Variants in CACNA1E observed in about 807,000 individuals in gnomAD.
The protein encoded by CACNA1E is calcium voltage-gated channel subunit alpha1 E, also known as voltage-dependent R-type calcium channel subunit alpha-1E.
In CACNA1E, 40 loss-of-function variants were observed where a neutral mutation model predicts 259.2. The ratio of observed to expected loss-of-function variants is 0.15; its 90% CI spans 0.12 to 0.20. The LOEUF (loss-of-function observed/expected upper bound fraction) is 0.20, where lower values mean the gene tolerates loss of function less well. CACNA1E is among the 10% of genes least tolerant of loss of function. CACNA1E has a pLI of 1.00. For missense variants in CACNA1E, 1,874 were observed against 3,040.1 expected, an observed-to-expected ratio of 0.62 and a Z score of 9.02; for synonymous variants, 1,104 against 1,138.5, an observed-to-expected ratio of 0.97 and a Z score of 0.61.
chr1:181,734,589 C>T (rs1242688679), intron 21 of CACNA1E, among the ~76,000 whole-genome samples: 4 of 143,652 alleles, frequency 2.8e-5, no homozygotes, highest in Admixed American at 6.9e-5. Context: ...ATGAATTCTA[C>T]ACCCTATCCT....
At chr1:181,614,772 G>A (rs1475855700) in intron 6 of CACNA1E, among the ~76,000 whole-genome samples, 1 of 152,270 alleles carries the variant, frequency 6.6e-6, no homozygotes, top group African/African-American at 2.4e-5. Flanking sequence ...TTTTATGGTA[G>A]TAAATGATAT....
At chr1:181,547,791 G>C (rs1647660931) in intron 3 of CACNA1E, among the ~76,000 whole-genome samples, 1 of 152,208 alleles carries the variant, frequency 6.6e-6, no homozygotes, top group Non-Finnish European at 1.5e-5. Context: ...CTTATTGTCA[G>C]TTCCACACAT....
chr1:181,670,225 A>G (rs556359677), intron 7 of CACNA1E, among the ~76,000 whole-genome samples: 2 of 152,316 alleles, frequency 1.3e-5, no homozygotes, highest in East Asian at 3.9e-4. Flanking sequence ...AGACACGTAT[A>G]CACTGAGGTG....
At chr1:181,332,997 C>T (rs894685642) in intron 1 of CACNA1E, among the ~76,000 whole-genome samples, 6 of 152,146 alleles carry the variant, frequency 3.9e-5, no homozygotes, top group Non-Finnish European at 7.4e-5. Context: ...CTAGGGCTTG[C>T]CCTCATGGAA....
chr1:181,711,775 G>A (rs532590318), intron 8 of CACNA1E, among the ~76,000 whole-genome samples: 3 of 152,246 alleles, frequency 2.0e-5, no homozygotes, highest in Admixed American at 1.3e-4. Context: ...CCAAGGAGCA[G>A]AAGGGGGAAG....
At chr1:181,612,412 GT>G (rs1654832041) in intron 6 of CACNA1E, among the ~76,000 whole-genome samples, 1 of 152,202 alleles carries the variant, frequency 6.6e-6, no homozygotes, top group Admixed American at 6.5e-5. Flanking sequence ...TCTTTGCAAG[GT>G]TTTATTTTTC....
intron 7 of CACNA1E, among the ~76,000 whole-genome samples, chr1:181,708,375 G>A (rs1653000987): frequency 6.6e-6 from 1 of 152,118 alleles, no homozygotes; most frequent in African/African-American, 2.4e-5. Context: ...TGTGTCCTTG[G>A]ACACTTGCCC....
chr1:181,443,807 T>A (rs1660645124), intron 2 of CACNA1E, among the ~76,000 whole-genome samples: 1 of 152,222 alleles, frequency 6.6e-6, no homozygotes, highest in Admixed American at 6.5e-5. Flanking sequence ...TGCAGCACAA[T>A]AAATTTGATT....
At chr1:181,417,683 A>G (rs1252599606) in intron 2 of CACNA1E, among the ~76,000 whole-genome samples, 1 of 152,084 alleles carries the variant, frequency 6.6e-6, no homozygotes, top group East Asian at 1.9e-4. Context: ...ACACTCCTCT[A>G]GAGATTATTT....
intron 1 of CACNA1E, among the ~76,000 whole-genome samples, chr1:181,330,212 T>C (rs985089570): frequency 3.3e-5 from 5 of 152,110 alleles, no homozygotes; most frequent in African/African-American, 9.7e-5. Context: ...CTGAGGCCCC[T>C]TCCTGAGCTC....
At chr1:181,569,781 T>C (rs1459522561) in intron 3 of CACNA1E, among the ~76,000 whole-genome samples, 1 of 152,226 alleles carries the variant, frequency 6.6e-6, no homozygotes, top group Non-Finnish European at 1.5e-5. Context: ...TCTAGAGCAT[T>C]ACTGTTGCAT....
chr1:181,526,676 C>T (rs1389432754), intron 3 of CACNA1E, among the ~76,000 whole-genome samples: 2 of 152,098 alleles, frequency 1.3e-5, no homozygotes, highest in Admixed American at 1.3e-4. Flanking sequence ...ACAGGACAGC[C>T]TGGCAAGATG....
chr1:181,721,998 T>C, intron 16 of CACNA1E, 123 bp downstream of exon 16: 1 of 667,228 alleles, frequency 1.5e-6, no homozygotes, highest in Non-Finnish European at 2.7e-6. Flanking sequence ...CATTGTTTGG[T>C]GTACTAAAGT....
intron 1 of CACNA1E, among the ~76,000 whole-genome samples, chr1:181,334,394 G>T (rs1651529304): frequency 6.6e-6 from 1 of 152,184 alleles, no homozygotes; most frequent in African/African-American, 2.4e-5. Flanking sequence ...TAAACATATA[G>T]CTGGCCTTCT....
chr1:181,361,087 C>A (rs1354236114), intron 1 of CACNA1E, among the ~76,000 whole-genome samples: 1 of 152,174 alleles, frequency 6.6e-6, no homozygotes, highest in Non-Finnish European at 1.5e-5. Context: ...GTCACCCTCA[C>A]CACTCACCAC....
At position 181,785,831 on chromosome 1, in the gene CACNA1E, C is replaced by G. The variant is rs1660805370; in HGVS notation, c.5786+12C>G. ...CCCGTTTCAGGCCTGTGAGTAGCAC[C>G]AAAACATCCCTGGCATGGCTGTTTG... is the stretch of plus-strand genomic sequence containing the variant. On this transcript the variant is annotated intron_variant, in intron 43 of 47. Coordinates refer to ENST00000367573, the MANE Select transcript of CACNA1E (RefSeq NM_001205293.3). The G allele has an allele frequency of 6.5e-7, 1 of 1,537,488 alleles. No homozygotes were observed. Among genetic ancestry groups the G allele is most frequent in the Non-Finnish European group, 8.9e-7 (1 of 1,121,722 alleles).
intron 1 of CACNA1E, among the ~76,000 whole-genome samples, chr1:181,322,248 C>T (rs1035283059): frequency 2.0e-5 from 3 of 152,066 alleles, no homozygotes; most frequent in Non-Finnish European, 2.9e-5. Context: ...AGTATACTAA[C>T]AACCATCTAC....
At chr1:181,635,362 A>G (rs975579949) in intron 6 of CACNA1E, among the ~76,000 whole-genome samples, 1 of 152,066 alleles carries the variant, frequency 6.6e-6, no homozygotes, top group Non-Finnish European at 1.5e-5. Context: ...TTGCAAGGTG[A>G]ATCAATCTCC....
chr1:181,454,912 A>G lies in CACNA1E; in HGVS notation c.435-28832A>G, dbSNP rs531809340. Among the ~76,000 whole-genome samples, 111 of 152,378 alleles carry G rather than the reference A, an allele frequency of 7.3e-4. 1 individual carries two copies. Among genetic ancestry groups the G allele is most frequent in the African/African-American group, 2.4e-3 (99 of 41,594 alleles). ...ACAAAAGTGAACAAAAATGCAAAGC[A>G]CTATATGATTAAATGTTAAATGAGA... is the stretch of plus-strand genomic sequence containing the variant. On this transcript the variant is annotated intron_variant, in intron 2 of 11. Coordinates refer to the CACNA1E transcript ENST00000524607.
Sources: gnomAD v4.1 joint callset for allele counts (sites outside exome capture counted in the v4.1 genomes callset) on GRCh38, gnomAD v4.1.1 for gene constraint, MANE v1.5 for transcripts, NCBI Gene and HGNC (gene_info 2026-07-23, HGNC 2026-07-21) for gene names.